KATNIP: variants seen among roughly 807,000 people sequenced by gnomAD.
KATNIP encodes the protein katanin interacting protein.
A neutral mutation model predicts 174.0 loss-of-function variants in KATNIP; 126 were observed. The ratio of observed to expected loss-of-function variants is 0.72; its 90% CI spans 0.63 to 0.84. The LOEUF is 0.84. Among genes scored for constraint, KATNIP ranks in the 40% least tolerant of loss-of-function variants. The pLI, the probability that KATNIP is intolerant of heterozygous loss-of-function variation, is 0.00. For synonymous variants in KATNIP, 810 were observed against 835.7 expected (o/e 0.97, Z 0.53); for missense variants, 1,958 against 2,109.7 (o/e 0.93, Z 1.41).
intron 2 of KATNIP, among the ~76,000 whole-genome samples, chr16:27,589,063 T>G (rs541867924): frequency 6.6e-6 from 1 of 150,884 alleles, no homozygotes; most frequent in East Asian, 2.0e-4. Flanking sequence ...CTCCAGCTAA[T>G]TTTTGTATTT....
chr16:27,698,923 C>T (rs1322142904), intron 9 of KATNIP, among the ~76,000 whole-genome samples: 1 of 152,154 alleles, frequency 6.6e-6, no homozygotes, highest in Non-Finnish European at 1.5e-5. Flanking sequence ...TGCCCCTGGC[C>T]CACTTCACTT....
At chr16:27,616,421 T>C (rs1038121902) in intron 2 of KATNIP, among the ~76,000 whole-genome samples, 1 of 151,950 alleles carries the variant, frequency 6.6e-6, no homozygotes, top group African/African-American at 2.4e-5. Flanking sequence ...TATGATCCTA[T>C]TTTTGTTTAA....
chr16:27,582,624 G>A (rs1467729997), intron 2 of KATNIP, among the ~76,000 whole-genome samples: 1 of 152,266 alleles, frequency 6.6e-6, no homozygotes, highest in African/African-American at 2.4e-5. Flanking sequence ...TTGAGCTTGC[G>A]AACCCTGGAA....
chr16:27,633,960 A>C (rs945878381), intron 5 of KATNIP, among the ~76,000 whole-genome samples: 1 of 152,198 alleles, frequency 6.6e-6, no homozygotes, highest in African/African-American at 2.4e-5. Context: ...GGCCTGGAGG[A>C]CACACAGCCT....
At position 27,776,995 on chromosome 16, in the gene KATNIP, C is replaced by T. The variant is rs150197704; in HGVS notation, c.4517C>T (p.Ala1506Val). 2.2e-5 allele frequency: 35 copies of T among 1,613,424 alleles called. No individual in the cohort carries two copies. Among genetic ancestry groups the T allele is most frequent in the Middle Eastern group, 1.6e-4 (1 of 6,062 alleles). Residue 1506 changes from alanine (A) to valine (V), a missense_variant, in exon 25 of 28, where the codon GCG becomes GTG. Around this residue, in one of 3 missense-constraint regions of KATNIP, gnomAD observed 383 missense variants for 456.0 expected, o/e 0.84. Coordinates refer to ENST00000261588, the MANE Select transcript of KATNIP (RefSeq NM_015202.5). This position sits in a 1 kb window ranked among gnomAD's most constrained non-coding sequence, Gnocchi z 4.7. ...TVSMIKLWNYAKTPHRGVKEF... is the reference protein window; with the variant it reads ...TVSMIKLWNYVKTPHRGVKEF... ...TCAATGATCAAACTGTGGAATTATG[C>T]GAAAACACCCCATCGAGGGGTGAAG...
chr16:27,639,725 T>C (rs918896707), intron 5 of KATNIP, among the ~76,000 whole-genome samples: 6 of 152,212 alleles, frequency 3.9e-5, no homozygotes, highest in Non-Finnish European at 8.8e-5. Flanking sequence ...GGGGGCCCTG[T>C]CTCTTGTTAT....
At chr16:27,652,236 G>A (rs1302215976) in intron 6 of KATNIP, among the ~76,000 whole-genome samples, 3 of 152,182 alleles carry the variant, frequency 2.0e-5, no homozygotes, top group Admixed American at 6.5e-5. Flanking sequence ...GCCAGGGGCT[G>A]CTATTTTATA....
intron 14 of KATNIP, among the ~76,000 whole-genome samples, chr16:27,734,885 C>A (rs1186806773): frequency 6.6e-6 from 1 of 152,300 alleles, no homozygotes; most frequent in East Asian, 1.9e-4. Flanking sequence ...AGCTGTGTGA[C>A]CTTGGGGAAG....
chr16:27,777,075 G>A lies in KATNIP; in HGVS notation c.4551+46G>A. 2 of 1,195,124 alleles carry A rather than the reference G, an allele frequency of 1.7e-6. No individual in the cohort carries two copies. Among genetic ancestry groups the A allele is most frequent in the Non-Finnish European group, 2.5e-6 (2 of 802,202 alleles). The allele number at this position is 1,195,124 out of a possible 1,614,324, so 74.0% of individuals were successfully genotyped here. On this transcript the variant is annotated intron_variant, in intron 25 of 27. Transcript: ENST00000261588. This position sits in a 1 kb window ranked among gnomAD's most constrained non-coding sequence, Gnocchi z 4.4. ...TTTTTTGAGATAATTATGCTCGTTG[G>A]TAATTAGGCCGCCGGCAATTATCAT...
chr16:27,639,740 C>A (rs1377171924), intron 5 of KATNIP, among the ~76,000 whole-genome samples: 1 of 152,192 alleles, frequency 6.6e-6, no homozygotes. Context: ...TGTTATCTTC[C>A]TTCTGAGTTC....
intron 6 of KATNIP, among the ~76,000 whole-genome samples, chr16:27,665,254 C>T (rs865866934): frequency 6.6e-6 from 1 of 151,892 alleles, no homozygotes; most frequent in African/African-American, 2.4e-5. Flanking sequence ...TAGGCATCCA[C>T]CACCACGCCT....
intron 2 of KATNIP, among the ~76,000 whole-genome samples, chr16:27,589,342 G>A (rs1267553282): frequency 2.0e-5 from 3 of 152,180 alleles, no homozygotes; most frequent in African/African-American, 7.2e-5. Context: ...TTCAGTCTTT[G>A]TGGGCCACAC....
intron 1 of KATNIP, among the ~76,000 whole-genome samples, chr16:27,561,111 A>C (rs1292292825): frequency 6.6e-6 from 1 of 151,450 alleles, no homozygotes; most frequent in African/African-American, 2.4e-5. Flanking sequence ...TCCTGGGTTC[A>C]AACAATTCTC....
At chr16:27,572,738 G>A (rs2090354803) in intron 1 of KATNIP, among the ~76,000 whole-genome samples, 1 of 152,092 alleles carries the variant, frequency 6.6e-6, no homozygotes. Context: ...GGCAGTTTAG[G>A]GTATCATTAT....
intron 14 of KATNIP, among the ~76,000 whole-genome samples, chr16:27,731,307 C>T (rs193130746): frequency 2.0e-5 from 3 of 152,302 alleles, no homozygotes; most frequent in East Asian, 3.9e-4. Flanking sequence ...GGCCCTGCAG[C>T]GCAGTGTCTC....
chr16:27,723,805 T>TCCTCCCTC (rs534240320), intron 14 of KATNIP, among the ~76,000 whole-genome samples: 30 of 151,256 alleles, frequency 2.0e-4, no homozygotes, highest in African/African-American at 5.8e-4. Flanking sequence ...CTTCCTCCCT[T>TCCTCCCTC]CCTCCCTCCC....
chr16:27,721,731 G>T, intron 14 of KATNIP, 36 bp downstream of exon 14: 1 of 1,605,180 alleles, frequency 6.2e-7, no homozygotes, highest in Non-Finnish European at 8.5e-7. Flanking sequence ...CTGGGCACTG[G>T]GTTGATGGAA....
At chr16:27,749,348 T>C (rs1309165042) in intron 15 of KATNIP, among the ~76,000 whole-genome samples, 1 of 152,154 alleles carries the variant, frequency 6.6e-6, no homozygotes, top group Non-Finnish European at 1.5e-5. Flanking sequence ...GAGACCAAGC[T>C]CTGTGCCAGG....
At chr16:27,551,560 C>A (rs998963784) in intron 1 of KATNIP, among the ~76,000 whole-genome samples, 1 of 152,074 alleles carries the variant, frequency 6.6e-6, no homozygotes, top group African/African-American at 2.4e-5. Flanking sequence ...CTGGGAAAAT[C>A]TTAAGATGTC....
Sources: gnomAD v4.1 joint callset for allele counts (sites outside exome capture counted in the v4.1 genomes callset) on GRCh38, gnomAD v4.1.1 for gene constraint, gnomAD v4.1.1 regional missense constraint, Gnocchi (gnomAD v3.1) non-coding constraint, MANE v1.5 for transcripts, NCBI Gene and HGNC (gene_info 2026-07-23, HGNC 2026-07-21) for gene names.